The following BEST3 variants were observed in gnomAD, a reference collection of about 807,000 sequenced individuals.
BEST3 encodes the protein bestrophin 3.
BEST3 carries 50 observed loss-of-function variants against 47.1 expected under a neutral mutation model. That is an observed-to-expected ratio of 1.06 (90% confidence interval 0.85 to 1.34). The LOEUF is 1.34. Ranked by LOEUF, BEST3 falls within the 40% of genes most tolerant of loss-of-function variation. The probability of loss-of-function intolerance (pLI) is 0.00; values close to 1 mark genes in which losing one functional copy is unlikely to be tolerated. For synonymous variants in BEST3, 282 were observed against 298.8 expected (o/e 0.94, Z 0.58); for missense variants, 765 against 817.0 (o/e 0.94, Z 0.78).
At chr12:69,679,914 C>CGTGTGTGTGT (rs35274840) in intron 4 of BEST3, among the ~76,000 whole-genome samples, 8 of 150,252 alleles carry the variant, frequency 5.3e-5, no homozygotes, top group South Asian at 2.1e-4. Context: ...TGTATGCATG[C>CGTGTGTGTGT]GTGTGTGTGT....
At position 69,670,436 on chromosome 12, in the gene BEST3, A is replaced by T. The variant is rs147688844; in HGVS notation, c.1100+992T>A. The T allele has an allele frequency of 3.1e-4, 218 of 702,656 alleles. 1 individual carries two copies. In the African/African-American group the frequency reaches 3.5e-3, roughly 11 times the overall value. 43.5% of individuals were successfully genotyped at this position (702,656 alleles called of 1,614,324 possible). On this transcript the variant is annotated intron_variant, in intron 9 of 9. Coordinates refer to ENST00000330891, the MANE Select transcript of BEST3 (RefSeq NM_032735.3). Reference sequence around the variant, plus strand: ...TCTCATTATTTGCTGGAACTACTGAAATTCCACTTTCAGTCTTCCTTTTCT... The same window carrying T: ...TCTCATTATTTGCTGGAACTACTGATATTCCACTTTCAGTCTTCCTTTTCT...
chr12:69,675,406 G>A (rs1351695847), intron 7 of BEST3, among the ~76,000 whole-genome samples: 2 of 152,060 alleles, frequency 1.3e-5, no homozygotes, highest in South Asian at 2.1e-4. Context: ...ATGAGCCACC[G>A]CACCTGATTT....
chr12:69,664,052 T>C (rs1419087471), intron 9 of BEST3, among the ~76,000 whole-genome samples: 1 of 152,222 alleles, frequency 6.6e-6, no homozygotes, highest in Non-Finnish European at 1.5e-5. Context: ...ATTTAGTAAA[T>C]GCTCAAGACT....
intron 4 of BEST3, among the ~76,000 whole-genome samples, chr12:69,691,850 T>C (rs58031799): frequency 0.034 from 5,132 of 152,200 alleles, 312 homozygotes; most frequent in African/African-American, 0.12. Flanking sequence ...CTGAAACCAG[T>C]TTTATAGTTG....
At chr12:69,670,135 G>A in intron 9 of BEST3, 1 of 256,048 alleles carries the variant, frequency 3.9e-6, no homozygotes, top group East Asian at 6.9e-5. Context: ...TATTAATTCT[G>A]AAAATTGAGA....
chr12:69,698,495 C>T (rs78158139), intron 1 of BEST3, among the ~76,000 whole-genome samples: 2,127 of 146,828 alleles, frequency 0.014, 32 homozygotes, highest in Non-Finnish European at 0.025. Context: ...TTGAAACAGA[C>T]AGCGCAAAGC....
chr12:69,669,601 G>T (rs1884436672), intron 9 of BEST3: 1 of 152,116 alleles, frequency 6.6e-6, no homozygotes, highest in Non-Finnish European at 1.5e-5. Context: ...CTCTGCTTCA[G>T]TTTGACATCC....
intron 9 of BEST3, among the ~76,000 whole-genome samples, chr12:69,665,271 G>C (rs1396768158): frequency 6.6e-6 from 1 of 152,026 alleles, no homozygotes; most frequent in Non-Finnish European, 1.5e-5. Flanking sequence ...ACACCAGAGG[G>C]AGTCTTAATG....
chr12:69,653,123 C>T (rs762844463), downstream of BEST3, among the ~76,000 whole-genome samples: 8 of 152,176 alleles, frequency 5.3e-5, no homozygotes, highest in Non-Finnish European at 1.2e-4. Context: ...CATTGCGTAT[C>T]AGGAGGAGTT....
intron 9 of BEST3, among the ~76,000 whole-genome samples, chr12:69,667,447 C>T (rs548172054): frequency 6.3e-4 from 96 of 152,170 alleles, no homozygotes; most frequent in Non-Finnish European, 1.1e-3. Context: ...ACAGGCTGTG[C>T]CACCATGCTC....
rs184815371 is a variant in BEST3 at position 69,693,669 on chromosome 12, A to G, written c.481+5T>C. 3,203 of 1,598,246 alleles carry G rather than the reference A, an allele frequency of 2.0e-3. 5 individuals carry two copies. Among genetic ancestry groups the G allele is most frequent in the Non-Finnish European group, 2.4e-3 (2,746 of 1,166,360 alleles). ...GCCCATGGAAGGAAAAGCCATTCAT[A>G]GTACCTGCTTCAACCACGTGGTCCA... On this transcript the variant is annotated splice_donor_5th_base_variant and intron_variant, in intron 4 of 9. Coordinates refer to ENST00000330891, the MANE Select transcript of BEST3 (RefSeq NM_032735.3).
exon 10 of BEST3, chr12:69,643,657 C>A (rs1416837852): frequency 3.2e-6 from 2 of 623,570 alleles, no homozygotes. Flanking sequence ...TGTTTAGGAG[C>A]CAAGTTGTTT....
At chr12:69,645,908 G>C (rs530520438) in intron 9 of BEST3, among the ~76,000 whole-genome samples, 6 of 152,116 alleles carry the variant, frequency 3.9e-5, no homozygotes, top group Admixed American at 2.0e-4. Flanking sequence ...AGAATCTCCA[G>C]ATATGTTACT....
At chr12:69,671,070 T>C (rs1489481729) in intron 9 of BEST3, among the ~76,000 whole-genome samples, 2 of 152,166 alleles carry the variant, frequency 1.3e-5, no homozygotes, top group African/African-American at 4.8e-5. Context: ...TAAGCCTAGG[T>C]AGAAAAAAAT....
chr12:69,654,109 G>T lies in BEST3; in HGVS notation c.*798C>A. Reference sequence around the variant, plus strand: ...GGAAGGGTATCAGGCTGGATTTGTTGACACCTTTGATGATTCTGTAGGAGG... The same window carrying T: ...GGAAGGGTATCAGGCTGGATTTGTTTACACCTTTGATGATTCTGTAGGAGG... On this transcript the variant is annotated 3_prime_UTR_variant, in exon 10 of 10. Transcript: ENST00000330891. The T allele has an allele frequency of 1.0e-6, 1 of 985,394 alleles. No individual in the cohort carries two copies. The highest frequency in any genetic ancestry group is 4.7e-5 in the South Asian group (1 of 21,290). 61.0% of individuals were successfully genotyped at this position (985,394 alleles called of 1,614,324 possible). A position where few individuals can be genotyped will look rare whatever the true frequency, so the allele number is the denominator to read the frequency against.
At chr12:69,649,844 C>T (rs1249055956), downstream of BEST3, among the ~76,000 whole-genome samples, 5 of 152,230 alleles carry the variant, frequency 3.3e-5, no homozygotes, top group Admixed American at 6.5e-5. Context: ...TGGAACGCAC[C>T]AGCGCTTTTG....
intron 4 of BEST3, among the ~76,000 whole-genome samples, chr12:69,688,386 A>T (rs1429301052): frequency 1.3e-5 from 2 of 152,250 alleles, no homozygotes; most frequent in African/African-American, 2.4e-5. Context: ...ACTTTTCAGC[A>T]TAATAGACAT....
At chr12:69,652,538 T>G (rs1883244571), downstream of BEST3, among the ~76,000 whole-genome samples, 1 of 152,178 alleles carries the variant, frequency 6.6e-6, no homozygotes, top group Non-Finnish European at 1.5e-5. Flanking sequence ...TTAGTTTTCA[T>G]TGCAAGAAGA....
At chr12:69,646,938 A>AT (rs11422613) in intron 9 of BEST3, among the ~76,000 whole-genome samples, 44,626 of 151,934 alleles carry the variant, frequency 0.29, 7,843 homozygotes, top group South Asian at 0.54. Context: ...TCCTTGGGGA[A>AT]TAAAAAAAAA....
Sources: gnomAD v4.1 joint callset for allele counts (sites outside exome capture counted in the v4.1 genomes callset) on GRCh38, gnomAD v4.1.1 for gene constraint, MANE v1.5 for transcripts, NCBI Gene and HGNC (gene_info 2026-07-23, HGNC 2026-07-21) for gene names.